Variants in EFHB observed in about 807,000 individuals in gnomAD.
EFHB encodes EF-hand domain family member B.
Under a neutral mutation model 87.2 loss-of-function variants are expected in EFHB, and 91 were observed. The observed-to-expected ratio is 1.04, with a 90% CI of 0.88 to 1.24. The LOEUF (loss-of-function observed/expected upper bound fraction) is 1.24. Among genes scored for constraint, EFHB ranks in the 50% most tolerant of loss-of-function variants. The pLI, the probability that EFHB is intolerant of heterozygous loss-of-function variation, is 0.00. For synonymous variants in EFHB, 325 were observed against 333.6 expected (o/e 0.97, Z 0.28); for missense variants, 1,084 against 998.8 (o/e 1.09, Z -1.15).
chr3:19,904,121 C>T (rs966081709), intron 6 of EFHB, among the ~76,000 whole-genome samples: 5 of 152,148 alleles, frequency 3.3e-5, no homozygotes, highest in Admixed American at 6.5e-5. Flanking sequence ...GTTGGGCCTA[C>T]GGAAACCTAG....
At chr3:19,920,432 T>G in intron 2 of EFHB, 73 bp downstream of exon 2, 2 of 1,270,510 alleles carry the variant, frequency 1.6e-6, no homozygotes, top group Non-Finnish European at 1.1e-6. Flanking sequence ...ATAAGGAACG[T>G]TGAGTTGCCT....
At chr3:19,891,478 T>C (rs1294410288) in intron 9 of EFHB, among the ~76,000 whole-genome samples, 1 of 152,228 alleles carries the variant, frequency 6.6e-6, no homozygotes, top group African/African-American at 2.4e-5. Flanking sequence ...GTTTCACTTA[T>C]AGTCTGGCTG....
intron 6 of EFHB, among the ~76,000 whole-genome samples, chr3:19,904,209 C>T (rs1694764471): frequency 6.6e-6 from 1 of 152,072 alleles, no homozygotes; most frequent in Non-Finnish European, 1.5e-5. Context: ...AATGCGAGGC[C>T]CATGCATTAG....
upstream of EFHB, among the ~76,000 whole-genome samples, chr3:19,936,989 C>T (rs191174341): frequency 5.3e-5 from 8 of 151,834 alleles, no homozygotes; most frequent in African/African-American, 1.7e-4. Flanking sequence ...GCCAACATGA[C>T]GAAACCCCAT....
At chr3:19,889,004 C>A (rs752147054) in intron 9 of EFHB, among the ~76,000 whole-genome samples, 4 of 152,204 alleles carry the variant, frequency 2.6e-5, no homozygotes, top group Admixed American at 1.3e-4. Context: ...AGGACAAGTT[C>A]ACGGAGGTGG....
chr3:19,922,360 A>C (rs1196914458), intron 1 of EFHB, among the ~76,000 whole-genome samples: 2 of 152,182 alleles, frequency 1.3e-5, no homozygotes. Flanking sequence ...TATTCAGGGC[A>C]ATTGTATCCC....
chr3:19,941,342 G>T, intron 1 of EFHB: 1 of 186,614 alleles, frequency 5.4e-6, no homozygotes. Context: ...ATACTAGCCT[G>T]GCTGCTCAAG....
intron 1 of EFHB, among the ~76,000 whole-genome samples, chr3:19,927,965 T>G (rs1338106155): frequency 1.3e-5 from 2 of 148,916 alleles, no homozygotes; most frequent in Non-Finnish European, 3.0e-5. Context: ...ACTATATATA[T>G]AGTAAATAAT....
chr3:19,881,023 G>A (rs2071663415), intron 12 of EFHB, among the ~76,000 whole-genome samples: 1 of 152,084 alleles, frequency 6.6e-6, no homozygotes, highest in Non-Finnish European at 1.5e-5. Flanking sequence ...AAATCCCCTA[G>A]AAATGATGTA....
Position 19,896,844 on chromosome 3 carries a change from A to G in EFHB, c.1571-3T>C. Reference sequence around the variant, plus strand: ...ATTATGGATGAGATCACCAACTCCTATTGAAGAGAGAAAAAACTTTTTACA... The same window carrying G: ...ATTATGGATGAGATCACCAACTCCTGTTGAAGAGAGAAAAAACTTTTTACA... On this transcript the variant is annotated splice_polypyrimidine_tract_variant and splice_region_variant and intron_variant, in intron 8 of 12. Coordinates refer to ENST00000295824, the MANE Select transcript of EFHB (RefSeq NM_144715.4). The G allele has an allele frequency of 6.3e-7, 1 of 1,595,404 alleles. No homozygotes were observed. Among genetic ancestry groups the G allele is most frequent in the Non-Finnish European group, 8.5e-7 (1 of 1,170,628 alleles).
At chr3:19,937,275 G>A (rs930243219), upstream of EFHB, among the ~76,000 whole-genome samples, 4 of 151,976 alleles carry the variant, frequency 2.6e-5, no homozygotes, top group African/African-American at 7.3e-5. Flanking sequence ...TTTTATTTAA[G>A]ACATTGCATT....
rs1695533219 is a variant in EFHB at position 19,924,110 on chromosome 3, T to G, written c.790-3543A>C. Among the ~76,000 whole-genome samples the G allele has an allele frequency of 2.0e-5, 3 of 152,142 alleles. No homozygotes were observed. In the South Asian group the frequency reaches 6.2e-4, roughly 31 times the overall value. On this transcript the variant is annotated intron_variant, in intron 1 of 12. Transcript: ENST00000295824. ...CTAGTGATGATTCTTTCCTAAATCA[T>G]TATTCCTATGATGGTTGCCAAATGA... is the stretch of plus-strand genomic sequence containing the variant.
Position 19,884,551 on chromosome 3 carries a change from G to C in EFHB, c.1998C>G (p.Leu666=). The change falls in exon 11 of 13, where the codon CTC becomes CTG. Residue 666 remains leucine, a synonymous_variant. Transcript: ENST00000295824. ...ANVEEPEQTL[L]IKPEDIVLKE... Reference sequence around the variant, plus strand: ...TTAAGACAATATCTTCTGGCTTTATGAGGAGAGTTTGTTCAGGTTCTTCAA... The same window carrying C: ...TTAAGACAATATCTTCTGGCTTTATCAGGAGAGTTTGTTCAGGTTCTTCAA... The C allele has an allele frequency of 6.2e-7, 1 of 1,613,950 alleles. No homozygotes were observed. Among genetic ancestry groups the C allele is most frequent in the Non-Finnish European group, 8.5e-7 (1 of 1,179,876 alleles).
chr3:19,883,685 G>A (rs2071738883), intron 11 of EFHB, among the ~76,000 whole-genome samples: 1 of 152,130 alleles, frequency 6.6e-6, no homozygotes, highest in African/African-American at 2.4e-5. Context: ...ACTGGAGTAT[G>A]GTGGGCCCCT....
intron 7 of EFHB, 88 bp from the exon 8 acceptor site, chr3:19,898,933 C>T: frequency 2.3e-6 from 3 of 1,327,162 alleles, no homozygotes; most frequent in Non-Finnish European, 3.2e-6. Flanking sequence ...TTCTTAGTAG[C>T]CCATATTTTA....
At chr3:19,936,877 A>T (rs1388614242), upstream of EFHB, among the ~76,000 whole-genome samples, 1 of 87,004 alleles carries the variant, frequency 1.1e-5, no homozygotes, top group Non-Finnish European at 2.7e-5. Flanking sequence ...TCAAAATAAT[A>T]AATAAATAAA....
At chr3:19,885,211 A>G (rs1415246757) in intron 10 of EFHB, among the ~76,000 whole-genome samples, 1 of 146,390 alleles carries the variant, frequency 6.8e-6, no homozygotes, top group African/African-American at 2.6e-5. Context: ...GAAAACAGTG[A>G]GACTTCGTCT....
chr3:19,879,568 C>A lies in EFHB; in HGVS notation c.*63G>T. ...ATAATATCTAAAACCAGAATGGATT[C>A]AACATTTTAGATAAACACAGAGTTA... On this transcript the variant is annotated 3_prime_UTR_variant, in exon 13 of 13. Coordinates refer to ENST00000295824, the MANE Select transcript of EFHB (RefSeq NM_144715.4). The A allele has an allele frequency of 6.8e-7, 1 of 1,471,866 alleles. No homozygotes were observed. Among genetic ancestry groups the A allele is most frequent in the Non-Finnish European group, 9.0e-7 (1 of 1,105,526 alleles). The allele number at this position is 1,471,866 out of a possible 1,614,324, so 91.2% of individuals were successfully genotyped here.
chr3:19,903,273 C>T (rs62279132), intron 6 of EFHB, among the ~76,000 whole-genome samples: 27,249 of 151,950 alleles, frequency 0.18, 3,192 homozygotes, highest in Non-Finnish European at 0.26. Context: ...GAAGCATGCA[C>T]TGCACACTGT....
Sources: allele counts gnomAD v4.1 joint callset (sites outside exome capture counted in the v4.1 genomes callset), GRCh38; gene constraint gnomAD v4.1.1; transcripts MANE v1.5; gene names NCBI Gene and HGNC (gene_info 2026-07-23, HGNC 2026-07-21).